WDR33: variants seen among roughly 807,000 people sequenced by gnomAD.
WDR33 encodes the protein pre-mRNA 3' end processing protein WDR33.
Under a neutral mutation model 164.9 loss-of-function variants are expected in WDR33, and 47 were observed. That is an observed-to-expected ratio of 0.29 (90% CI 0.23 to 0.36). WDR33 has a LOEUF of 0.36. Among genes scored for constraint, WDR33 ranks in the 10% least tolerant of loss-of-function variants. The probability of loss-of-function intolerance (pLI) is 1.00; values close to 1 mark genes in which losing one functional copy is unlikely to be tolerated. For missense variants in WDR33, 1,137 were observed against 1,754.1 expected (o/e 0.65, Z 6.28); for synonymous variants, 505 against 589.0 (o/e 0.86, Z 2.06).
intron 1 of WDR33, among the ~76,000 whole-genome samples, chr2:127,780,397 T>C (rs1412667548): frequency 1.3e-5 from 2 of 152,162 alleles, no homozygotes; most frequent in African/African-American, 4.8e-5. Flanking sequence ...ACCCAATCTG[T>C]CATTGAACTT....
chr2:127,740,469 CG>C (rs1465605742), intron 7 of WDR33, among the ~76,000 whole-genome samples: 1 of 152,078 alleles, frequency 6.6e-6, no homozygotes, highest in Admixed American at 6.6e-5. Flanking sequence ...GGCTTGAGCC[CG>C]GGAGGTCAAG....
intron 4 of WDR33, among the ~76,000 whole-genome samples, chr2:127,766,633 T>C (rs1014528387): frequency 1.3e-5 from 2 of 152,164 alleles, no homozygotes; most frequent in Admixed American, 1.3e-4. Flanking sequence ...TGCTCGGATT[T>C]TATTCTTTTC....
rs1686132813 is a variant in WDR33, at chr2:127,710,500, C to G, written c.3309-644G>C. ...TGGCACTCATGGCCCGAGTCCACAG[C>G]TGATGGGCACACAGGTCAGCATCTG... is the stretch of plus-strand genomic sequence containing the variant. On this transcript the variant is annotated intron_variant, in intron 18 of 21. Coordinates refer to ENST00000322313, the MANE Select transcript of WDR33 (RefSeq NM_018383.5). This position sits in a 1 kb window ranked among gnomAD's most constrained non-coding sequence, Gnocchi z 4.4. Among the ~76,000 whole-genome samples the G allele has an allele frequency of 6.6e-6, 1 of 152,152 alleles. No individual in the cohort carries two copies. The highest frequency in any genetic ancestry group is 1.5e-5 in the Non-Finnish European group (1 of 68,024).
rs563634021 is a variant in WDR33, at chr2:127,706,689, G to A, written c.3782-137C>T. 25 of 750,796 alleles carry A rather than the reference G, an allele frequency of 3.3e-5. No individual in the cohort carries two copies. The highest frequency in any genetic ancestry group is 9.8e-5 in the South Asian group (5 of 50,998). The allele number at this position is 750,796 out of a possible 1,614,324, so 46.5% of individuals were successfully genotyped here. On this transcript the variant is annotated intron_variant, in intron 21 of 21. Coordinates refer to ENST00000322313, the MANE Select transcript of WDR33 (RefSeq NM_018383.5). This position sits in a 1 kb window ranked among gnomAD's most constrained non-coding sequence, Gnocchi z 5.1. ...AGGGAGACTGGCAGTGGTATTCAGCGTACTGAGAGGTGTGCCTCTACCCTT... is the reference window on the plus strand; with the variant it reads ...AGGGAGACTGGCAGTGGTATTCAGCATACTGAGAGGTGTGCCTCTACCCTT...
chr2:127,763,141 A>C lies in WDR33; in HGVS notation c.645T>G (p.Asn215Lys). 6.2e-7 allele frequency: 1 copy of C among 1,614,088 alleles called. No homozygotes were observed. The highest frequency in any genetic ancestry group is 8.5e-7 in the Non-Finnish European group (1 of 1,179,930). Residue 215 changes from asparagine to lysine, a missense_variant, in exon 7 of 22, where the codon AAT (asparagine) becomes AAG (lysine). By Grantham distance (94) the Asn-to-Lys change is moderately conservative. Around this residue, in one of 9 missense-constraint regions of WDR33, gnomAD observed 83 missense variants for 189.2 expected, o/e 0.44. Transcript: ENST00000322313. The surrounding 1 kb of genome is among the most constrained non-coding windows in gnomAD (Gnocchi z 4.5). ...CGTCATCAGAGCATGTAGCAAATTT[A>C]TTATCCGTGGGTGAGAAACTGTTAC... ...IREASFSPTD[N>K]KFATCSDDGT...
rs1317398180 is a variant in WDR33, at chr2:127,713,553, T to C, written c.3308+30A>G. On this transcript the variant is annotated intron_variant, in intron 18 of 21. Transcript: ENST00000322313. This position sits in a 1 kb window ranked among gnomAD's most constrained non-coding sequence, Gnocchi z 6.2. ...AGCAGATAAAAAGCTCCACTGAAGA[T>C]GGAATGGGCCCACAAAGTATCTGTC... 3 of 1,607,842 alleles carry C rather than the reference T, an allele frequency of 1.9e-6. No homozygotes were observed. Among genetic ancestry groups the C allele is most frequent in the East Asian group, 2.2e-5 (1 of 44,808 alleles).
intron 1 of WDR33, among the ~76,000 whole-genome samples, chr2:127,788,514 G>GCA (rs1688702048): frequency 8.1e-6 from 1 of 123,170 alleles, no homozygotes; most frequent in Admixed American, 7.5e-5. Flanking sequence ...GGCTGGCCGG[G>GCA]TGGGGGGGCT....
intron 8 of WDR33, among the ~76,000 whole-genome samples, chr2:127,725,819 G>A (rs182057651): frequency 3.3e-5 from 5 of 151,516 alleles, no homozygotes; most frequent in South Asian, 2.1e-4. Flanking sequence ...AAATTTATCC[G>A]TGAAGCAGGG....
chr2:127,762,494 C>T (rs917078115), intron 7 of WDR33: 7 of 981,330 alleles, frequency 7.1e-6, no homozygotes, highest in Admixed American at 6.1e-5. Context: ...ACTTCAGTTA[C>T]GGAATGAAGT....
intron 7 of WDR33, among the ~76,000 whole-genome samples, chr2:127,746,831 T>A (rs1247032978): frequency 1.3e-5 from 2 of 152,242 alleles, no homozygotes; most frequent in African/African-American, 4.8e-5. Context: ...TCTTCTATCA[T>A]TACATTTTAA....
At chr2:127,794,621 T>C (rs1294576667) in intron 1 of WDR33, among the ~76,000 whole-genome samples, 1 of 151,742 alleles carries the variant, frequency 6.6e-6, no homozygotes, top group African/African-American at 2.4e-5. Context: ...TCACTTGAGA[T>C]CAGGAGTTCA....
chr2:127,777,703 G>A (rs1222455349), intron 1 of WDR33, among the ~76,000 whole-genome samples: 3 of 152,152 alleles, frequency 2.0e-5, no homozygotes, highest in African/African-American at 4.8e-5. Context: ...ACAGCTCACT[G>A]CAGCTCAAGT....
intron 1 of WDR33, among the ~76,000 whole-genome samples, chr2:127,771,675 G>T (rs2105445602): frequency 6.6e-6 from 1 of 152,104 alleles, no homozygotes; most frequent in East Asian, 1.9e-4. Flanking sequence ...CTATTTGGGA[G>T]GCTGAGACAG....
At chr2:127,808,281 T>G (rs1382854395) in intron 1 of WDR33, among the ~76,000 whole-genome samples, 1 of 152,108 alleles carries the variant, frequency 6.6e-6, no homozygotes, top group Non-Finnish European at 1.5e-5. Context: ...AACTGAAGCT[T>G]AGAGAGTTTA....
At chr2:127,753,415 T>A (rs1298988843) in intron 7 of WDR33, among the ~76,000 whole-genome samples, 2 of 152,232 alleles carry the variant, frequency 1.3e-5, no homozygotes, top group South Asian at 2.1e-4. Flanking sequence ...TGAGAAAAGT[T>A]CTGAAATAAC....
chr2:127,722,012 AATGTACGCTAAGT>A lies in WDR33; in HGVS notation c.1519-37_1519-25del. 6.2e-7 allele frequency: 1 copy of A among 1,605,960 alleles called. No homozygotes were observed. The highest frequency in any genetic ancestry group is 1.1e-5 in the South Asian group (1 of 89,604). ...GCCTTGGGAAAGAAGAGAATATTAAAATGTACGCTAAGTATGAAAATTACAATGATAGAATGAG... is the reference window on the plus strand; with the variant it reads ...GCCTTGGGAAAGAAGAGAATATTAAAATGAAAATTACAATGATAGAATGAG... On this transcript the variant is annotated intron_variant, in intron 14 of 21. Coordinates refer to ENST00000322313, the MANE Select transcript of WDR33 (RefSeq NM_018383.5). This position sits in a 1 kb window ranked among gnomAD's most constrained non-coding sequence, Gnocchi z 5.1.
At chr2:127,740,975 G>A (rs1022728956) in intron 7 of WDR33, among the ~76,000 whole-genome samples, 1 of 152,152 alleles carries the variant, frequency 6.6e-6, no homozygotes, top group African/African-American at 2.4e-5. Flanking sequence ...ATAAACCAGA[G>A]TAGAGAAAAA....
At chr2:127,750,725 TACATATATATGTATGCATAC>T (rs1241387456) in intron 7 of WDR33, among the ~76,000 whole-genome samples, 3 of 58,314 alleles carry the variant, frequency 5.1e-5, no homozygotes, top group African/African-American at 2.8e-4. Context: ...TATGTATGCA[TACATATATATGTATGCATAC>T]ATATATATGT....
chr2:127,786,840 T>G (rs1163678996), intron 1 of WDR33, among the ~76,000 whole-genome samples: 1 of 130,564 alleles, frequency 7.7e-6, no homozygotes, highest in East Asian at 2.1e-4. Flanking sequence ...TCTTCCTTTC[T>G]GTTCTTTTTT....
Sources: allele counts gnomAD v4.1 joint callset (sites outside exome capture counted in the v4.1 genomes callset), GRCh38; gene constraint gnomAD v4.1.1; regional missense constraint gnomAD v4.1.1; non-coding constraint Gnocchi (gnomAD v3.1); transcripts MANE v1.5; gene names NCBI Gene and HGNC (gene_info 2026-07-23, HGNC 2026-07-21).